LAMB1: variants seen among roughly 807,000 people sequenced by gnomAD.
LAMB1 encodes laminin subunit beta-1.
LAMB1 carries 121 observed loss-of-function variants against 222.3 expected under a neutral mutation model. The observed-to-expected ratio is 0.54, with a 90% CI of 0.47 to 0.63. LAMB1 has a LOEUF of 0.63. Ranked by LOEUF, LAMB1 falls within the 30% of genes least tolerant of loss-of-function variation. LAMB1 has a pLI of 0.00. For missense variants in LAMB1, 2,172 were observed against 2,240.8 expected (o/e 0.97, Z 0.62); for synonymous variants, 794 against 807.2 (o/e 0.98, Z 0.28).
intron 28 of LAMB1, 57 bp from the exon 29 acceptor site, chr7:107,931,557 A>G: frequency 1.3e-6 from 2 of 1,484,020 alleles, no homozygotes; most frequent in Non-Finnish European, 1.8e-6. Flanking sequence ...AAAGGAGACC[A>G]GAATATTGGA....
At chr7:107,980,907 C>T (rs767776745) in intron 7 of LAMB1, 96 bp from the exon 8 acceptor site, 21 of 703,400 alleles carry the variant, frequency 3.0e-5, no homozygotes, top group Non-Finnish European at 4.3e-5. Context: ...AAAGGCATGA[C>T]ACATGAAAAT....
intron 5 of LAMB1, among the ~76,000 whole-genome samples, chr7:107,994,093 C>T (rs1270178247): frequency 6.6e-6 from 1 of 152,186 alleles, no homozygotes; most frequent in Non-Finnish European, 1.5e-5. Flanking sequence ...CCAACTCCAA[C>T]TGAAAGCTAT....
rs1247529023 is a variant in LAMB1 at position 107,923,986 on chromosome 7, T to TTA, written c.5324_5325dup (p.Ser1776Ter). On this transcript the variant is annotated frameshift_variant, in exon 34 of 34. Transcript: ENST00000222399. LOFTEE classifies it high-confidence loss of function. Reference sequence around the variant, plus strand: ...GTGCTATACACAGCAACTTTCTGGCTTATATCCTTTAGGAGTGAACGGACT... The same window carrying TTA: ...GTGCTATACACAGCAACTTTCTGGCTTATATATCCTTTAGGAGTGAACGGACT... 7 of 1,609,486 alleles carry TTA rather than the reference T, an allele frequency of 4.3e-6. No individual in the cohort carries two copies. Among genetic ancestry groups the TTA allele is most frequent in the Non-Finnish European group, 5.9e-6 (7 of 1,178,886 alleles).
chr7:107,952,504 A>G (rs1409133094), intron 22 of LAMB1, among the ~76,000 whole-genome samples: 1 of 152,266 alleles, frequency 6.6e-6, no homozygotes, highest in Non-Finnish European at 1.5e-5. Flanking sequence ...CTGGTGAGTC[A>G]TTTTAAAATT....
intron 32 of LAMB1, 142 bp downstream of exon 32, chr7:107,926,041 A>C: frequency 1.6e-6 from 1 of 620,018 alleles, no homozygotes. Flanking sequence ...ACTTCTAAAG[A>C]CGGCTGTTGC....
At chr7:107,934,832 G>GAGTAGCTACTC in intron 27 of LAMB1, among the ~76,000 whole-genome samples, 1 of 151,252 alleles carries the variant, frequency 6.6e-6, no homozygotes, top group South Asian at 2.1e-4. Context: ...TCAGGAGGGT[G>GAGTAGCTACTC]AGGTGGGAAG....
intron 29 of LAMB1, among the ~76,000 whole-genome samples, 187 bp downstream of exon 29, chr7:107,931,169 C>T (rs986228231): frequency 2.6e-5 from 4 of 151,964 alleles, no homozygotes; most frequent in Non-Finnish European, 5.9e-5. Context: ...TCTGTATCTG[C>T]GTAACATTGG....
intron 11 of LAMB1, 40 bp from the exon 12 acceptor site, chr7:107,975,138 G>C (rs758771908): frequency 1.3e-6 from 2 of 1,526,174 alleles, no homozygotes; most frequent in Non-Finnish European, 1.8e-6. Flanking sequence ...CACAGACCAC[G>C]TGAGTTTCAA....
rs774381254 is a variant in LAMB1, at chr7:107,978,100, T to C, written c.947A>G (p.Tyr316Cys). 1.2e-6 allele frequency: 2 copies of C among 1,614,068 alleles called. No homozygotes were observed. Among genetic ancestry groups the C allele is most frequent in the Non-Finnish European group, 1.7e-6 (2 of 1,179,906 alleles). ...GLNCELCMDF[Y>C]HDLPWRPAEG... ...AGCAGGTCTCCAAGGTAAATCATGGTAGAAATCCATGCAGAGTTCACAGTT... is the reference window on the plus strand; with the variant it reads ...AGCAGGTCTCCAAGGTAAATCATGGCAGAAATCCATGCAGAGTTCACAGTT... The change falls in exon 9 of 34, where the codon TAC becomes TGC. Residue 316 changes from tyrosine to cysteine, a missense_variant. By Grantham distance (194) the Tyr-to-Cys change is radical. Transcript: ENST00000222399.
intron 25 of LAMB1, among the ~76,000 whole-genome samples, chr7:107,937,898 G>T (rs150341928): frequency 1.3e-5 from 2 of 152,216 alleles, no homozygotes; most frequent in East Asian, 3.9e-4. Flanking sequence ...AGCTTTCACA[G>T]TATTTAATTT....
intron 4 of LAMB1, among the ~76,000 whole-genome samples, chr7:107,997,137 T>C (rs1483827271): frequency 2.0e-5 from 3 of 152,178 alleles, no homozygotes; most frequent in Non-Finnish European, 4.4e-5. Context: ...AATTTAACAG[T>C]CGATGGCTGG....
chr7:107,959,851 G>A lies in LAMB1; in HGVS notation c.2315-17C>T. 6.2e-7 allele frequency: 1 copy of A among 1,608,856 alleles called. No individual in the cohort carries two copies. Among genetic ancestry groups the A allele is most frequent in the Non-Finnish European group, 8.5e-7 (1 of 1,176,860 alleles). On this transcript the variant is annotated splice_polypyrimidine_tract_variant and intron_variant, in intron 18 of 33. Transcript: ENST00000222399. ...ATTCACAAGCTGTGGGTAAAGAGAG[G>A]CCAGAACCCATGACACGGAGCAGCA... is the stretch of plus-strand genomic sequence containing the variant.
At chr7:107,948,159 G>A (rs2237692) in intron 24 of LAMB1, among the ~76,000 whole-genome samples, 55,007 of 151,660 alleles carry the variant, frequency 0.36, 12,092 homozygotes, top group African/African-American at 0.62. Flanking sequence ...ATTAATTTTC[G>A]TATTTTTAGT....
intron 26 of LAMB1, chr7:107,936,210 T>A (rs953187179): frequency 2.6e-5 from 4 of 152,234 alleles, no homozygotes; most frequent in African/African-American, 7.2e-5. Flanking sequence ...TTGTAAGTAA[T>A]CTACAGATTA....
Position 107,980,901 on chromosome 7 carries a change from G to C in LAMB1, c.677-90C>G, listed in dbSNP as rs1436720027. 8.2e-6 allele frequency: 6 copies of C among 730,996 alleles called. No homozygotes were observed. In the African/African-American group the frequency reaches 1.1e-4, roughly 13 times the overall value. The allele number at this position is 730,996 out of a possible 1,614,324, so 45.3% of individuals were successfully genotyped here. Reference sequence around the variant, plus strand: ...TTGCATCATTTCTTTTTAGAGAAAGGCATGACACATGAAAATAGCTTAAGT... The same window carrying C: ...TTGCATCATTTCTTTTTAGAGAAAGCCATGACACATGAAAATAGCTTAAGT... On this transcript the variant is annotated intron_variant, in intron 7 of 33. Coordinates refer to ENST00000222399, the MANE Select transcript of LAMB1 (RefSeq NM_002291.3).
intron 28 of LAMB1, among the ~76,000 whole-genome samples, 194 bp downstream of exon 28, chr7:107,931,980 A>G (rs556489297): frequency 7.2e-5 from 11 of 152,318 alleles, no homozygotes; most frequent in African/African-American, 2.6e-4. Context: ...AGGAGAAAGC[A>G]AATTCTTTAT....
At chr7:107,997,554 T>G (rs1055123425) in intron 4 of LAMB1, among the ~76,000 whole-genome samples, 2 of 152,194 alleles carry the variant, frequency 1.3e-5, no homozygotes, top group Non-Finnish European at 2.9e-5. Flanking sequence ...AATAAAGAAA[T>G]CTAGTAGTCT....
intron 24 of LAMB1, among the ~76,000 whole-genome samples, chr7:107,941,831 T>C (rs2032990071): frequency 3.0e-5 from 1 of 33,676 alleles, no homozygotes; most frequent in Non-Finnish European, 7.3e-5. Context: ...GCTTTTTTTT[T>C]TTTTTTTTTT....
chr7:107,972,435 G>T (rs1268752898), intron 13 of LAMB1, among the ~76,000 whole-genome samples: 1 of 152,120 alleles, frequency 6.6e-6, no homozygotes. Context: ...TGACTCGAAG[G>T]TGGTTAAACT....
Sources: allele counts gnomAD v4.1 joint callset (sites outside exome capture counted in the v4.1 genomes callset), GRCh38; gene constraint gnomAD v4.1.1; transcripts MANE v1.5; gene names NCBI Gene and HGNC (gene_info 2026-07-23, HGNC 2026-07-21).